LAMA1: variants seen among roughly 807,000 people sequenced by gnomAD.
LAMA1 encodes the protein laminin subunit alpha 1, also known as laminin subunit alpha-1.
LAMA1 carries 219 observed loss-of-function variants against 348.7 expected under a neutral mutation model. The observed-to-expected ratio is 0.63, with a 90% CI of 0.56 to 0.70. The LOEUF (loss-of-function observed/expected upper bound fraction) is 0.70. Ranked by LOEUF, LAMA1 falls within the 30% of genes least tolerant of loss-of-function variation. The pLI, the probability that LAMA1 is intolerant of heterozygous loss-of-function variation, is 0.00. For missense variants in LAMA1, 3,744 were observed against 3,888.0 expected, an observed-to-expected ratio of 0.96 and a Z score of 0.99; for synonymous variants, 1,487 against 1,491.0, an observed-to-expected ratio of 1.00 and a Z score of 0.06.
At chr18:7,059,520 T>C (rs1214858583) in intron 3 of LAMA1, among the ~76,000 whole-genome samples, 1 of 152,212 alleles carries the variant, frequency 6.6e-6, no homozygotes, top group Non-Finnish European at 1.5e-5. Flanking sequence ...GGAATGTTCA[T>C]GTGGGCCTCA....
At chr18:7,049,385 C>G (rs2058054325) in intron 4 of LAMA1, 128 bp from the exon 5 acceptor site, 2 of 787,110 alleles carry the variant, frequency 2.5e-6, no homozygotes, top group African/African-American at 3.4e-5. Context: ...CTGTAACCTC[C>G]ACCTCCCAGG....
chr18:6,949,094 T>A lies in LAMA1; in HGVS notation c.8556+7A>T. 1 of 1,614,182 alleles carries A rather than the reference T, an allele frequency of 6.2e-7. No individual in the cohort carries two copies. The highest frequency in any genetic ancestry group is 1.1e-5 in the South Asian group (1 of 91,080). On this transcript the variant is annotated splice_region_variant and intron_variant, in intron 59 of 62. Coordinates refer to ENST00000389658, the MANE Select transcript of LAMA1 (RefSeq NM_005559.4). The stretch of plus-strand genomic sequence containing the variant: ...GGTAAAATGTCAGTATGGAAAATGC[T>A]GCTTACATTTCCAATTTTCCTGGCC...
At position 7,033,024 on chromosome 18, in the gene LAMA1, T is replaced by C. The variant is rs1398488796; in HGVS notation, c.2123A>G (p.His708Arg). Reference sequence around the variant, plus strand: ...TGTGTAGCCTTGCGGACATTCACAGTGCTCCACATCAGCGGCCACCACCAG... The same window carrying C: ...TGTGTAGCCTTGCGGACATTCACAGCGCTCCACATCAGCGGCCACCACCAG... ...IDLVVAADVE[H>R]CECPQGYTGT... Residue 708 changes from histidine to arginine, a missense_variant, in exon 15 of 63, where the codon CAC becomes CGC. His to Arg is a conservative substitution (Grantham distance 29, BLOSUM62 0). Coordinates refer to ENST00000389658, the MANE Select transcript of LAMA1 (RefSeq NM_005559.4). The C allele has an allele frequency of 3.1e-6, 5 of 1,612,354 alleles. No homozygotes were observed. The highest frequency in any genetic ancestry group is 2.2e-5 in the South Asian group (2 of 90,530).
intron 42 of LAMA1, 96 bp downstream of exon 42, chr18:6,980,425 C>T (rs2057705838): frequency 1.2e-6 from 1 of 863,130 alleles, no homozygotes; most frequent in Non-Finnish European, 2.0e-6. Context: ...TGAGCTAAAG[C>T]CTTTATCAGT....
At position 7,053,559 on chromosome 18, in the gene LAMA1, A is replaced by G. The variant is rs185973492; in HGVS notation, c.346-2623T>C. On this transcript the variant is annotated intron_variant, in intron 3 of 62. Coordinates refer to ENST00000389658, the MANE Select transcript of LAMA1 (RefSeq NM_005559.4). The stretch of plus-strand genomic sequence containing the variant: ...AGTAATGAGGAAACAAACTGGGGGG[A>G]AAAAAAAATGAATGTAGATGACTAT... Among the ~76,000 whole-genome samples the G allele has an allele frequency of 3.7e-3, 549 of 147,806 alleles. 13 individuals are homozygous for G. Among genetic ancestry groups the G allele is most frequent in the East Asian group, 2.5e-3 (12 of 4,752 alleles).
intron 1 of LAMA1, among the ~76,000 whole-genome samples, chr18:7,096,944 G>A (rs1490246072): frequency 3.3e-5 from 5 of 152,164 alleles, no homozygotes; most frequent in Admixed American, 1.3e-4. Context: ...ACCCCAGCCC[G>A]TCGGCAGGGG....
chr18:7,106,098 G>A (rs1360851330), intron 1 of LAMA1, among the ~76,000 whole-genome samples: 2 of 152,148 alleles, frequency 1.3e-5, no homozygotes, highest in South Asian at 2.1e-4. Flanking sequence ...ACAGAGCTGT[G>A]GGAATATCAG....
chr18:7,092,481 C>G (rs1267428927), intron 1 of LAMA1, among the ~76,000 whole-genome samples: 1 of 152,056 alleles, frequency 6.6e-6, no homozygotes, highest in Non-Finnish European at 1.5e-5. Context: ...AAAAAATTAG[C>G]CGGGCGTGGT....
chr18:7,031,962 A>C, intron 16 of LAMA1, 104 bp downstream of exon 16: 9 of 815,220 alleles, frequency 1.1e-5, no homozygotes, highest in Non-Finnish European at 1.9e-5. Context: ...CTATGAGGCT[A>C]GGGTTATTCC....
chr18:7,109,886 T>TA (rs1443640947), intron 1 of LAMA1, among the ~76,000 whole-genome samples: 2 of 152,028 alleles, frequency 1.3e-5, no homozygotes, highest in African/African-American at 4.8e-5. Flanking sequence ...ACAGACCCGA[T>TA]AAAAAGCAGC....
At chr18:7,036,687 T>G (rs921014635) in intron 12 of LAMA1, among the ~76,000 whole-genome samples, 1 of 152,122 alleles carries the variant, frequency 6.6e-6, no homozygotes, top group Admixed American at 6.5e-5. Flanking sequence ...ATCATATCAA[T>G]AGAGCACATG....
chr18:7,068,354 C>T (rs947227250), intron 3 of LAMA1, among the ~76,000 whole-genome samples: 7 of 152,294 alleles, frequency 4.6e-5, no homozygotes, highest in Non-Finnish European at 7.3e-5. Context: ...CTGAAGGAAC[C>T]GCCCATGTGT....
At chr18:7,023,018 T>C (rs2057924969) in intron 19 of LAMA1, 146 bp downstream of exon 19, 3 of 860,048 alleles carry the variant, frequency 3.5e-6, no homozygotes, top group African/African-American at 1.7e-5. Context: ...GGGTCTGTAT[T>C]TGATCAGAGA....
rs201444861 is a variant in LAMA1 at position 6,997,704 on chromosome 18, T to G, written c.4806+38A>C. On this transcript the variant is annotated intron_variant, in intron 33 of 62. Coordinates refer to ENST00000389658, the MANE Select transcript of LAMA1 (RefSeq NM_005559.4). ...TCCCAATGACTATATCCCTTAATGA[T>G]ACAAGTGTCTGTTCATCTCTGTATT... is the stretch of plus-strand genomic sequence containing the variant. 1.0e-4 allele frequency: 162 copies of G among 1,602,450 alleles called. No homozygotes were observed. In the African/African-American group the frequency reaches 1.9e-3, roughly 19 times the overall value.
chr18:7,021,802 AT>A (rs1388866960), intron 19 of LAMA1, among the ~76,000 whole-genome samples: 6 of 72,882 alleles, frequency 8.2e-5, no homozygotes, highest in African/African-American at 2.8e-4. Flanking sequence ...ATAATAATAT[AT>A]TATATTATAT....
chr18:7,088,538 G>A (rs1236828698), intron 1 of LAMA1, among the ~76,000 whole-genome samples: 2 of 151,932 alleles, frequency 1.3e-5, no homozygotes, highest in Non-Finnish European at 1.5e-5. Flanking sequence ...ATTTTTTGGA[G>A]ATAGGTTTTT....
chr18:7,031,894 A>AAC (rs1395230037), intron 16 of LAMA1, among the ~76,000 whole-genome samples, 172 bp downstream of exon 16: 2 of 151,660 alleles, frequency 1.3e-5, no homozygotes, highest in Non-Finnish European at 2.9e-5. Flanking sequence ...AAAAAACAAA[A>AAC]AAAAAAACGG....
chr18:7,011,576 G>T, intron 24 of LAMA1, 97 bp from the exon 25 acceptor site: 1 of 1,131,290 alleles, frequency 8.8e-7, no homozygotes, highest in Non-Finnish European at 1.3e-6. Context: ...AGATGAAACA[G>T]CTTCATTATT....
intron 16 of LAMA1, among the ~76,000 whole-genome samples, chr18:7,027,865 C>T (rs2057951539): frequency 6.6e-6 from 1 of 152,108 alleles, no homozygotes; most frequent in Non-Finnish European, 1.5e-5. Context: ...ATTGCATGAA[C>T]CTGGGAGGCA....
Sources: gnomAD v4.1 joint callset for allele counts (sites outside exome capture counted in the v4.1 genomes callset) on GRCh38, gnomAD v4.1.1 for gene constraint, MANE v1.5 for transcripts, NCBI Gene and HGNC (gene_info 2026-07-23, HGNC 2026-07-21) for gene names.